MAGOHB: variants seen among roughly 807,000 people sequenced by gnomAD.
The protein encoded by MAGOHB is protein mago nashi homolog 2.
A neutral mutation model predicts 20.9 loss-of-function variants in MAGOHB; 15 were observed. The ratio of observed to expected loss-of-function variants is 0.72; its 90% confidence interval spans 0.48 to 1.11. The LOEUF is 1.11. Among genes scored for constraint, MAGOHB ranks in the 50% least tolerant of loss-of-function variants. The pLI is 0.00. For missense variants in MAGOHB, 162 were observed against 177.6 expected (o/e 0.91, Z 0.50); for synonymous variants, 50 against 57.9 (o/e 0.86, Z 0.62).
Position 10,613,589 on chromosome 12 carries a change from A to G in MAGOHB, c.-57T>C. 1 of 1,161,712 alleles carries G rather than the reference A, an allele frequency of 8.6e-7. No individual in the cohort carries two copies. Among genetic ancestry groups the G allele is most frequent in the Non-Finnish European group, 1.3e-6 (1 of 766,940 alleles). The allele number at this position is 1,161,712 out of a possible 1,614,324, so 72.0% of individuals were successfully genotyped here. A position where few individuals can be genotyped will look rare whatever the true frequency, so the allele number is the denominator to read the frequency against. On this transcript the variant is annotated 5_prime_UTR_variant, in exon 1 of 5. Transcript: ENST00000320756. ...GCCAACGTGTCCCCCGGCGCCTTGC[A>G]GTGACGTCATCGCGCGGAATAAGTG...
intron 3 of MAGOHB, chr12:10,608,599 T>TAAAAAAAA (rs200643667): frequency 1.7e-5 from 2 of 119,160 alleles, no homozygotes; most frequent in African/African-American, 3.1e-5. Flanking sequence ...TAAGAACTAG[T>TAAAAAAAA]AAAAAAAAAA....
At chr12:10,608,063 C>A (rs570786909) in intron 3 of MAGOHB, 127 bp from the exon 4 acceptor site, 2 of 572,516 alleles carry the variant, frequency 3.5e-6, no homozygotes, top group Admixed American at 3.7e-5. Context: ...GAGTGGGGGG[C>A]GAGGGGGAAA....
intron 1 of MAGOHB, among the ~76,000 whole-genome samples, chr12:10,611,747 CAAAAAAAA>C (rs1042294332): frequency 2.9e-4 from 8 of 27,696 alleles, no homozygotes; most frequent in South Asian, 2.1e-3. Context: ...GACTCTGTCT[CAAAAAAAA>C]AAAAAAAAAA....
chr12:10,612,621 G>C, intron 1 of MAGOHB: 2 of 1,075,792 alleles, frequency 1.9e-6, no homozygotes, highest in African/African-American at 1.7e-5. Context: ...AGTTAAATTT[G>C]TCTTACTCAT....
downstream of MAGOHB, among the ~76,000 whole-genome samples, chr12:10,600,597 C>A (rs1218028291): frequency 2.6e-5 from 4 of 152,016 alleles, no homozygotes; most frequent in African/African-American, 9.7e-5. Context: ...TTGAGTTTTC[C>A]CACGAAATCT....
intron 1 of MAGOHB, chr12:10,612,954 T>C (rs1212581556): frequency 7.8e-7 from 1 of 1,289,000 alleles, no homozygotes; most frequent in Admixed American, 2.3e-5. Flanking sequence ...ACCTCTCCCC[T>C]CTTGCTTGGT....
At chr12:10,609,140 G>C (rs1036034935) in intron 3 of MAGOHB, 1 of 175,764 alleles carries the variant, frequency 5.7e-6, no homozygotes, top group Non-Finnish European at 1.2e-5. Context: ...GAAGACTTAA[G>C]TTACTCCTAC....
At chr12:10,610,594 A>AAAAAAAAT in intron 2 of MAGOHB, 28 bp downstream of exon 2, 3 of 1,374,472 alleles carry the variant, frequency 2.2e-6, no homozygotes, top group Non-Finnish European at 2.9e-6. Flanking sequence ...AAAAAAAAAA[A>AAAAAAAAT]AAAAAAAGAC....
chr12:10,609,767 G>T (rs538906170), intron 3 of MAGOHB, 64 bp downstream of exon 3: 2 of 1,022,928 alleles, frequency 2.0e-6, no homozygotes, highest in Non-Finnish European at 1.5e-6. Context: ...AATAAATAAC[G>T]GGAAACAAAA....
At chr12:10,609,799 T>A in intron 3 of MAGOHB, 32 bp downstream of exon 3, 1 of 1,314,524 alleles carries the variant, frequency 7.6e-7, no homozygotes. Flanking sequence ...ATTTTTAATA[T>A]TTATACACTT....
In MAGOHB at chr12:10,606,375, C is replaced by G; in HGVS notation, c.348-1G>C. ...AAATACTCGAAGGCCTTCAGGATCC[C>G]TAAAATTTAAAAAGGTAAAAGTTAC... On this transcript the variant is annotated splice_acceptor_variant, in intron 4 of 4. Transcript: ENST00000320756. LOFTEE classifies it high-confidence loss of function. The G allele has an allele frequency of 6.5e-7, 1 of 1,532,172 alleles. No individual in the cohort carries two copies. Among genetic ancestry groups the G allele is most frequent in the Non-Finnish European group, 8.8e-7 (1 of 1,131,348 alleles). 94.9% of individuals were successfully genotyped at this position (1,532,172 alleles called of 1,614,324 possible).
At chr12:10,610,251 A>AAT (rs1251064466) in intron 2 of MAGOHB, among the ~76,000 whole-genome samples, 1 of 152,200 alleles carries the variant, frequency 6.6e-6, no homozygotes, top group Admixed American at 6.5e-5. Context: ...AAGATCTATA[A>AAT]GGTGAACTGT....
chr12:10,606,533 T>C (rs1432105769), intron 4 of MAGOHB, among the ~76,000 whole-genome samples, 159 bp from the exon 5 acceptor site: 2 of 152,152 alleles, frequency 1.3e-5, no homozygotes, highest in Non-Finnish European at 2.9e-5. Context: ...ATACAATTAA[T>C]ATCTTTTCTA....
At position 10,604,962 on chromosome 12, in the gene MAGOHB, AAGT is replaced by A. The variant is rs1010614116; in HGVS notation, c.*1310_*1312del. On this transcript the variant is annotated 3_prime_UTR_variant, in exon 5 of 5. Transcript: ENST00000320756. ...TCAAAATTAAATAGCACTACAAAAA[AAGT>A]AGTTTATTGGCACCAATTACACCAG... 1.3e-4 allele frequency: 20 copies of A among 152,308 alleles called. No homozygotes were observed. The highest frequency in any genetic ancestry group is 3.4e-3 in the Middle Eastern group (1 of 294). 9.4% of individuals were successfully genotyped at this position (152,308 alleles called of 1,614,324 possible).
At chr12:10,613,326 T>C in intron 1 of MAGOHB, 113 bp downstream of exon 1, 1 of 881,302 alleles carries the variant, frequency 1.1e-6, no homozygotes, top group Middle Eastern at 2.2e-4. Context: ...ATTCTTAAGC[T>C]CCTATTTCCT....
downstream of MAGOHB, among the ~76,000 whole-genome samples, chr12:10,601,769 C>T (rs990458336): frequency 6.6e-6 from 1 of 152,212 alleles, no homozygotes; most frequent in African/African-American, 2.4e-5. Flanking sequence ...ATCCTCAAGC[C>T]TCACTTTTCT....
chr12:10,613,113 C>A, intron 1 of MAGOHB: 1 of 515,382 alleles, frequency 1.9e-6, no homozygotes, highest in Non-Finnish European at 3.2e-6. Flanking sequence ...AGATTTTATT[C>A]ATCCACTGGA....
At chr12:10,603,606 A>T (rs1865576923), downstream of MAGOHB, among the ~76,000 whole-genome samples, 1 of 152,124 alleles carries the variant, frequency 6.6e-6, no homozygotes, top group Non-Finnish European at 1.5e-5. Context: ...GCTGATCTGT[A>T]ATTAAGACTT....
intron 2 of MAGOHB, 131 bp from the exon 3 acceptor site, chr12:10,610,072 A>G: frequency 1.8e-6 from 1 of 560,628 alleles, no homozygotes; most frequent in Non-Finnish European, 3.1e-6. Flanking sequence ...CCAAAAGTAG[A>G]GGAGACAGAA....
Sources: gnomAD v4.1 joint callset for allele counts (sites outside exome capture counted in the v4.1 genomes callset) on GRCh38, gnomAD v4.1.1 for gene constraint, MANE v1.5 for transcripts, NCBI Gene and HGNC (gene_info 2026-07-23, HGNC 2026-07-21) for gene names.